Variants in OXCT1 observed in about 807,000 individuals in gnomAD.
OXCT1 encodes succinyl-CoA:3-ketoacid coenzyme A transferase 1, mitochondrial.
OXCT1 carries 27 observed loss-of-function variants against 69.6 expected under a neutral mutation model. The observed-to-expected ratio is 0.39, with a 90% CI of 0.29 to 0.54. OXCT1 has a LOEUF of 0.54. Among genes scored for constraint, OXCT1 ranks in the 20% least tolerant of loss-of-function variants. The pLI is 0.72. For synonymous variants in OXCT1, 202 were observed against 217.8 expected, an observed-to-expected ratio of 0.93 and a Z score of 0.64; for missense variants, 437 against 650.2, an observed-to-expected ratio of 0.67 and a Z score of 3.57.
chr5:41,767,361 G>A (rs949877621), intron 13 of OXCT1, among the ~76,000 whole-genome samples: 1 of 152,082 alleles, frequency 6.6e-6, no homozygotes, highest in South Asian at 2.1e-4. Context: ...TCTATTGTTA[G>A]GTTAGCAAAA....
rs1313612760 is a variant in OXCT1, at chr5:41,777,730, T to C, written c.1249-15530A>G. 2.6e-5 allele frequency among the ~76,000 whole-genome samples: 4 copies of C among 152,218 alleles called. No homozygotes were observed. In the East Asian group the frequency reaches 5.8e-4, roughly 22 times the overall value. Reference sequence around the variant, plus strand: ...GGACTAAAGTTACAAAGCTTTCCAATGTGCTTCTAAATAAACCATTCATCT... The same window carrying C: ...GGACTAAAGTTACAAAGCTTTCCAACGTGCTTCTAAATAAACCATTCATCT... On this transcript the variant is annotated intron_variant, in intron 13 of 16. Coordinates refer to ENST00000196371, the MANE Select transcript of OXCT1 (RefSeq NM_000436.4).
intron 15 of OXCT1, chr5:41,739,793 C>T (rs1743070360): frequency 5.8e-6 from 2 of 346,798 alleles, no homozygotes; most frequent in African/African-American, 2.1e-5. Flanking sequence ...ATGGCGTGAA[C>T]CCGAGAGGCG....
intron 6 of OXCT1, among the ~76,000 whole-genome samples, chr5:41,841,908 C>T (rs990548227): frequency 6.6e-6 from 1 of 152,074 alleles, no homozygotes; most frequent in Non-Finnish European, 1.5e-5. Flanking sequence ...ACTGTAATTG[C>T]ACCAAAGCTG....
chr5:41,870,048 TCG>T lies in OXCT1; in HGVS notation c.78+231_78+232del, dbSNP rs1412768932. The T allele has an allele frequency of 3.6e-5, 20 of 559,860 alleles. No homozygotes were observed. Among genetic ancestry groups the T allele is most frequent in the Admixed American group, 2.7e-4 (9 of 33,594 alleles). The allele number at this position is 559,860 out of a possible 1,614,324, so 34.7% of individuals were successfully genotyped here. A position where few individuals can be genotyped will look rare whatever the true frequency, so the allele number is the denominator to read the frequency against. Reference sequence around the variant, plus strand: ...CTCAGCCTCTCCGCGCGCTTCTTTATCGCGTCTCGCTCCATCAGGGAAGCGAC... The same window carrying T: ...CTCAGCCTCTCCGCGCGCTTCTTTATCGTCTCGCTCCATCAGGGAAGCGAC... On this transcript the variant is annotated intron_variant, in intron 1 of 16. Transcript: ENST00000196371. This position sits in a 1 kb window ranked among gnomAD's most constrained non-coding sequence, Gnocchi z 4.2.
Position 41,805,679 on chromosome 5 carries a change from A to T in OXCT1, c.843T>A (p.Arg281=). The change falls in exon 9 of 17, where the codon CGT becomes CGA. Residue 281 remains arginine, a splice_region_variant and synonymous_variant. Transcript: ENST00000196371. ...CATCTCCCTCTTTCCGGATTGATAA[A>T]CGCTTTAAATTAAACAGAAATAAAT... The part of the protein sequence containing the change: ...KGEKYEKRIE[R]LSIRKEGDGE... 1.9e-6 allele frequency: 3 copies of T among 1,582,438 alleles called. No homozygotes were observed. The South Asian group carries it at 3.3e-5, about 17-fold the overall frequency.
In OXCT1 at chr5:41,870,176, C is replaced by T; in HGVS notation, c.78+105G>A. On this transcript the variant is annotated intron_variant, in intron 1 of 16. Coordinates refer to ENST00000196371, the MANE Select transcript of OXCT1 (RefSeq NM_000436.4). This position sits in a 1 kb window ranked among gnomAD's most constrained non-coding sequence, Gnocchi z 4.2. The stretch of plus-strand genomic sequence containing the variant: ...GCACCGCGCCACGGATGCCAGATCC[C>T]AGGCTGGAGAGAGCGGGTAGGGGCA... 1.1e-6 allele frequency: 1 copy of T among 916,610 alleles called. No homozygotes were observed. The highest frequency in any genetic ancestry group is 1.8e-6 in the Non-Finnish European group (1 of 564,362). The allele number at this position is 916,610 out of a possible 1,614,324, so 56.8% of individuals were successfully genotyped here.
At chr5:41,756,255 A>C (rs1744064349) in intron 14 of OXCT1, among the ~76,000 whole-genome samples, 1 of 152,046 alleles carries the variant, frequency 6.6e-6, no homozygotes, top group Admixed American at 6.6e-5. Context: ...CAGTAACTGA[A>C]TTCCTTTGTT....
At chr5:41,843,387 A>T (rs941469735) in intron 5 of OXCT1, among the ~76,000 whole-genome samples, 3 of 151,456 alleles carry the variant, frequency 2.0e-5, no homozygotes, top group African/African-American at 7.3e-5. Context: ...TAAAAGCTTT[A>T]TTTTTTTTCT....
At chr5:41,843,625 A>C (rs1377639955) in intron 5 of OXCT1, 1 of 456,142 alleles carries the variant, frequency 2.2e-6, no homozygotes, top group African/African-American at 2.0e-5. Context: ...TAAAACAAGC[A>C]TCCATTGCCA....
chr5:41,865,601 T>C (rs1561140030), intron 1 of OXCT1, among the ~76,000 whole-genome samples: 1 of 152,194 alleles, frequency 6.6e-6, no homozygotes, highest in Non-Finnish European at 1.5e-5. Context: ...ACATCTAGTT[T>C]AGGAGATAGT....
chr5:41,747,647 GAGA>G (rs1000775407), intron 15 of OXCT1, among the ~76,000 whole-genome samples: 12 of 152,112 alleles, frequency 7.9e-5, no homozygotes, highest in Non-Finnish European at 1.5e-4. Context: ...GTTCCAGACA[GAGA>G]AGGAGGATGT....
At chr5:41,838,223 C>T (rs1257486347) in intron 7 of OXCT1, among the ~76,000 whole-genome samples, 1 of 152,132 alleles carries the variant, frequency 6.6e-6, no homozygotes, top group Non-Finnish European at 1.5e-5. Flanking sequence ...GTCCAGGGTA[C>T]TCACTGGACT....
intron 13 of OXCT1, among the ~76,000 whole-genome samples, chr5:41,787,141 C>T (rs1312343553): frequency 6.6e-6 from 1 of 152,126 alleles, no homozygotes; most frequent in East Asian, 1.9e-4. Flanking sequence ...TGGCCAGTAA[C>T]TCTGTGATAT....
intron 16 of OXCT1, among the ~76,000 whole-genome samples, chr5:41,734,701 G>A (rs935102503): frequency 3.3e-5 from 5 of 152,178 alleles, no homozygotes; most frequent in African/African-American, 1.2e-4. Context: ...TTGTGAAAAT[G>A]TTGGGCCCTA....
At chr5:41,734,367 G>A (rs1427291608) in intron 16 of OXCT1, among the ~76,000 whole-genome samples, 1 of 152,086 alleles carries the variant, frequency 6.6e-6, no homozygotes, top group African/African-American at 2.4e-5. Context: ...ACAGACATAT[G>A]GTTTATAAAA....
chr5:41,862,982 T>C (rs1749812402), intron 1 of OXCT1, among the ~76,000 whole-genome samples: 1 of 152,150 alleles, frequency 6.6e-6, no homozygotes. Context: ...ACCCCCCTTA[T>C]CCACAGTTTC....
chr5:41,778,116 A>G (rs1490161171), intron 13 of OXCT1, among the ~76,000 whole-genome samples: 1 of 152,228 alleles, frequency 6.6e-6, no homozygotes, highest in Non-Finnish European at 1.5e-5. Flanking sequence ...TTAATTATGC[A>G]CAAATGTAAA....
At chr5:41,772,184 A>T (rs1353406036) in intron 13 of OXCT1, among the ~76,000 whole-genome samples, 2 of 152,170 alleles carry the variant, frequency 1.3e-5, no homozygotes, top group African/African-American at 4.8e-5. Flanking sequence ...TTATTTTCTG[A>T]TTCCTCAAAG....
chr5:41,735,278 T>C (rs1047042387), intron 16 of OXCT1, among the ~76,000 whole-genome samples: 1 of 152,220 alleles, frequency 6.6e-6, no homozygotes, highest in Middle Eastern at 3.4e-3. Context: ...AAGAAGATAA[T>C]CCTGTCATAC....
Sources: gnomAD v4.1 joint callset for allele counts (sites outside exome capture counted in the v4.1 genomes callset) on GRCh38, gnomAD v4.1.1 for gene constraint, Gnocchi (gnomAD v3.1) non-coding constraint, MANE v1.5 for transcripts, NCBI Gene and HGNC (gene_info 2026-07-23, HGNC 2026-07-21) for gene names.